KCNIP4: variants seen among roughly 807,000 people sequenced by gnomAD.
KCNIP4 encodes the protein Kv channel-interacting protein 4.
In KCNIP4, 12 loss-of-function variants were observed where a neutral mutation model predicts 34.0. The ratio of observed to expected loss-of-function variants is 0.35; its 90% CI spans 0.23 to 0.57. KCNIP4 has a LOEUF of 0.57. Among genes scored for constraint, KCNIP4 ranks in the 20% least tolerant of loss-of-function variants. The pLI, the probability that KCNIP4 is intolerant of heterozygous loss-of-function variation, is 0.83. For missense variants in KCNIP4, 238 were observed against 311.7 expected (o/e 0.76, Z 1.78); for synonymous variants, 124 against 102.2 (o/e 1.21, Z -1.29).
chr4:20,806,267 TTC>T (rs1715072229), intron 3 of KCNIP4, among the ~76,000 whole-genome samples: 3 of 152,038 alleles, frequency 2.0e-5, no homozygotes, highest in African/African-American at 4.8e-5. Context: ...TGAGTTTTAT[TTC>T]TTTTACTTTT....
In KCNIP4 at chr4:21,483,511, C is replaced by T. The variant is rs114950996; in HGVS notation, c.61+465060G>A. On this transcript the variant is annotated intron_variant, in intron 1 of 8. Coordinates refer to ENST00000382152, the MANE Select transcript of KCNIP4 (RefSeq NM_025221.6). ...TCTGGTTGTTTAAAAGTGTGTGGGC[C>T]GGGCGTGGTGGTGCACGCCTGTAAT... is the stretch of plus-strand genomic sequence containing the variant. Among the ~76,000 whole-genome samples the T allele has an allele frequency of 7.0e-3, 1,063 of 152,032 alleles. 9 individuals are homozygous for T. Among genetic ancestry groups the T allele is most frequent in the African/African-American group, 0.025 (1,019 of 41,478 alleles).
intron 1 of KCNIP4, among the ~76,000 whole-genome samples, chr4:20,901,561 G>C (rs944786388): frequency 3.9e-5 from 6 of 152,134 alleles, no homozygotes; most frequent in Non-Finnish European, 8.8e-5. Context: ...GATAAGTAGA[G>C]GGCACTGTTA....
At chr4:20,975,300 G>T (rs1291305752) in intron 1 of KCNIP4, among the ~76,000 whole-genome samples, 1 of 152,126 alleles carries the variant, frequency 6.6e-6, no homozygotes, top group Non-Finnish European at 1.5e-5. Context: ...GCAACAGTCT[G>T]AATAGTAATG....
At chr4:21,608,088 G>GT (rs1179142248) in intron 1 of KCNIP4, among the ~76,000 whole-genome samples, 9 of 152,024 alleles carry the variant, frequency 5.9e-5, no homozygotes, top group Admixed American at 2.0e-4. Context: ...TTATTGTTTT[G>GT]TTTTTTCATG....
At chr4:21,785,708 T>C (rs1451760745) in intron 1 of KCNIP4, among the ~76,000 whole-genome samples, 1 of 152,242 alleles carries the variant, frequency 6.6e-6, no homozygotes, top group African/African-American at 2.4e-5. Context: ...TGAATTTGCC[T>C]CTCTATATTG....
At chr4:21,448,976 A>G (rs1422483036) in intron 1 of KCNIP4, among the ~76,000 whole-genome samples, 1 of 152,216 alleles carries the variant, frequency 6.6e-6, no homozygotes, top group Admixed American at 6.5e-5. Flanking sequence ...TCCAAATTCT[A>G]CAGGCAGGAA....
intron 1 of KCNIP4, among the ~76,000 whole-genome samples, chr4:21,053,437 C>G (rs999469774): frequency 2.0e-5 from 3 of 152,290 alleles, no homozygotes; most frequent in Admixed American, 2.0e-4. Context: ...AATCTAGACA[C>G]TTTCCAATTA....
chr4:21,463,262 A>AAGGG (rs1729628853), intron 1 of KCNIP4, among the ~76,000 whole-genome samples: 2 of 152,068 alleles, frequency 1.3e-5, no homozygotes, highest in Non-Finnish European at 2.9e-5. Flanking sequence ...TTCCATGATG[A>AAGGG]TTAGTGATGT....
chr4:20,804,980 C>A (rs1240462508), intron 3 of KCNIP4, among the ~76,000 whole-genome samples: 1 of 151,968 alleles, frequency 6.6e-6, no homozygotes, highest in Non-Finnish European at 1.5e-5. Context: ...GGAGCAGAGT[C>A]GTGATTCTGG....
chr4:21,866,317 T>C (rs1725412142), intron 1 of KCNIP4, among the ~76,000 whole-genome samples: 1 of 152,144 alleles, frequency 6.6e-6, no homozygotes, highest in African/African-American at 2.4e-5. Flanking sequence ...CTTCTCCACT[T>C]CTCTGAGGAG....
At chr4:21,071,739 C>T (rs983233769) in intron 1 of KCNIP4, among the ~76,000 whole-genome samples, 23 of 152,012 alleles carry the variant, frequency 1.5e-4, no homozygotes, top group African/African-American at 5.6e-4. Flanking sequence ...GTGTGCTGCA[C>T]CCATTAACTC....
In KCNIP4 at chr4:21,428,899, C is replaced by T. The variant is rs147021124; in HGVS notation, c.61+519672G>A. Among the ~76,000 whole-genome samples the T allele has an allele frequency of 9.3e-4, 141 of 152,256 alleles. 2 individuals are homozygous for T. In the East Asian group the frequency reaches 0.023, roughly 25 times the overall value. On this transcript the variant is annotated intron_variant, in intron 1 of 8. Coordinates refer to ENST00000382152, the MANE Select transcript of KCNIP4 (RefSeq NM_025221.6). Reference sequence around the variant, plus strand: ...AGAGTTCCCATATACTCTCTGCCCCCACACAAGCACCTACCCCATTATCAA... The same window carrying T: ...AGAGTTCCCATATACTCTCTGCCCCTACACAAGCACCTACCCCATTATCAA...
chr4:21,331,213 T>C (rs1715604249), intron 1 of KCNIP4, among the ~76,000 whole-genome samples: 2 of 152,172 alleles, frequency 1.3e-5, no homozygotes, highest in African/African-American at 4.8e-5. Flanking sequence ...CAATAGTTCA[T>C]AGTTTCTATT....
chr4:21,547,420 G>A (rs1738233452), intron 1 of KCNIP4, among the ~76,000 whole-genome samples: 2 of 152,052 alleles, frequency 1.3e-5, no homozygotes, highest in African/African-American at 4.8e-5. Context: ...TATGACACAT[G>A]CACTTTTTAA....
At chr4:20,846,624 A>T (rs1720418216) in intron 3 of KCNIP4, among the ~76,000 whole-genome samples, 1 of 152,040 alleles carries the variant, frequency 6.6e-6, no homozygotes, top group Non-Finnish European at 1.5e-5. Context: ...AATCCTCAAA[A>T]ATAAGACCTC....
chr4:21,027,646 C>G (rs1374633436), intron 1 of KCNIP4, among the ~76,000 whole-genome samples: 1 of 150,926 alleles, frequency 6.6e-6, no homozygotes, highest in East Asian at 1.9e-4. Flanking sequence ...ACCAAATCAT[C>G]CCATTGCTGA....
At chr4:21,140,783 T>A (rs1751891077) in intron 1 of KCNIP4, among the ~76,000 whole-genome samples, 1 of 152,154 alleles carries the variant, frequency 6.6e-6, no homozygotes, top group East Asian at 1.9e-4. Flanking sequence ...CAAAAGTGCA[T>A]TTGCTCAGGT....
At position 21,015,816 on chromosome 4, in the gene KCNIP4, CATATATAAAATATATACAATATATACA is replaced by C. The variant is rs1166858638; in HGVS notation, c.62-133134_62-133108del. Among the ~76,000 whole-genome samples the C allele has an allele frequency of 1.9e-3, 232 of 121,264 alleles. 5 individuals carry two copies. In the South Asian group the frequency reaches 0.056, roughly 29 times the overall value. 79.6% of individuals were successfully genotyped at this position (121,264 alleles called of 152,430 possible). ...ATATATAAATATATACTATATATAC[CATATATAAAATATATACAATATATACA>C]ATATATAAAATATATACAATATATA... is the stretch of plus-strand genomic sequence containing the variant. On this transcript the variant is annotated intron_variant, in intron 1 of 8. Transcript: ENST00000382152.
In KCNIP4 at chr4:21,138,659, T is replaced by C. The variant is rs147413860; in HGVS notation, c.62-255950A>G. On this transcript the variant is annotated intron_variant, in intron 1 of 8. Transcript: ENST00000382152. ...TTAACTTACATACTAAAAGGGACTT[T>C]GCGTATGTGATTACCTTAAGGATCT... Among the ~76,000 whole-genome samples, 289 of 152,180 alleles carry C rather than the reference T, an allele frequency of 1.9e-3. 3 individuals carry two copies. Among genetic ancestry groups the C allele is most frequent in the African/African-American group, 6.4e-3 (265 of 41,528 alleles).
Sources: allele counts gnomAD v4.1 joint callset (sites outside exome capture counted in the v4.1 genomes callset), GRCh38; gene constraint gnomAD v4.1.1; transcripts MANE v1.5; gene names NCBI Gene and HGNC (gene_info 2026-07-23, HGNC 2026-07-21).